Variants in COL5A1 observed in about 807,000 individuals in gnomAD.
COL5A1 encodes collagen type V alpha 1 chain, also known as collagen alpha-1(V) chain.
In COL5A1, 16 loss-of-function variants were observed where a neutral mutation model predicts 263.7. The observed-to-expected ratio is 0.06, with a 90% CI of 0.04 to 0.09. The LOEUF is 0.09. Ranked by LOEUF, COL5A1 falls within the 10% of genes least tolerant of loss-of-function variation. The probability of loss-of-function intolerance (pLI) is 1.00; values close to 1 mark genes in which losing one functional copy is unlikely to be tolerated. For synonymous variants in COL5A1, 1,012 were observed against 1,004.5 expected, an observed-to-expected ratio of 1.01 and a Z score of -0.14; for missense variants, 2,036 against 2,540.5, an observed-to-expected ratio of 0.80 and a Z score of 4.27.
intron 61 of COL5A1, among the ~76,000 whole-genome samples, chr9:134,823,756 T>C (rs971949675): frequency 1.3e-5 from 2 of 152,194 alleles, no homozygotes; most frequent in Non-Finnish European, 2.9e-5. Context: ...GTGTAGTATA[T>C]GCGTGTATGT....
intron 42 of COL5A1, among the ~76,000 whole-genome samples, chr9:134,807,449 A>G (rs906150774): frequency 6.6e-6 from 1 of 152,120 alleles, no homozygotes; most frequent in African/African-American, 2.4e-5. Context: ...GTGTGCTACC[A>G]CACCCGGCTA....
intron 1 of COL5A1, among the ~76,000 whole-genome samples, chr9:134,669,997 G>C (rs1832491393): frequency 1.3e-5 from 2 of 152,212 alleles, no homozygotes; most frequent in South Asian, 4.1e-4. Flanking sequence ...ATATCAAAAT[G>C]ACTTTATTTT....
chr9:134,839,893 C>A (rs1279795506), intron 65 of COL5A1, among the ~76,000 whole-genome samples: 2 of 152,378 alleles, frequency 1.3e-5, no homozygotes, highest in East Asian at 3.9e-4. Context: ...AGAGCTGTGG[C>A]CACCCCCAGG....
Position 134,701,092 on chromosome 9 carries a change from T to TC in COL5A1, c.492-78dup. 5 of 1,462,494 alleles carry TC rather than the reference T, an allele frequency of 3.4e-6. No homozygotes were observed. The South Asian group carries it at 5.9e-5, about 17-fold the overall frequency. 90.6% of individuals were successfully genotyped at this position (1,462,494 alleles called of 1,614,324 possible). Reference sequence around the variant, plus strand: ...GCAGGAAGTGGGCCTTCTTCCTGTGTCTCGAGGAATTTGCAGCAAAATTGC... The same window carrying TC: ...GCAGGAAGTGGGCCTTCTTCCTGTGTCCTCGAGGAATTTGCAGCAAAATTGC... On this transcript the variant is annotated intron_variant, in intron 3 of 65. Coordinates refer to ENST00000371817, the MANE Select transcript of COL5A1 (RefSeq NM_000093.5).
Position 134,811,457 on chromosome 9 carries a change from AGCATCCTCACCCATGGCCG to A in COL5A1, c.3583-33_3583-15del. The A allele has an allele frequency of 1.2e-6, 2 of 1,613,560 alleles. No individual in the cohort carries two copies. Among genetic ancestry groups the A allele is most frequent in the Non-Finnish European group, 1.7e-6 (2 of 1,179,566 alleles). On this transcript the variant is annotated splice_polypyrimidine_tract_variant and intron_variant, in intron 45 of 65. Transcript: ENST00000371817. ...CCCCCCCAGAGCTGCTGGCATTGCC[AGCATCCTCACCCATGGCCG>A]GTTATTTCCCTGCAGGGAGCTGACG...
Position 134,821,988 on chromosome 9 carries a change from C to G in COL5A1, c.4555-109C>G, listed in dbSNP as rs568375514. On this transcript the variant is annotated intron_variant, in intron 58 of 65. Coordinates refer to ENST00000371817, the MANE Select transcript of COL5A1 (RefSeq NM_000093.5). This position sits in a 1 kb window ranked among gnomAD's most constrained non-coding sequence, Gnocchi z 4.2. ...GCTGCTGAGGGGCCAAAGGGCATAC[C>G]GTGGGGAAGGGACAGGGGAGCCGAG... The G allele has an allele frequency of 1.1e-6, 1 of 950,334 alleles. No individual in the cohort carries two copies. Among genetic ancestry groups the G allele is most frequent in the Non-Finnish European group, 1.7e-6 (1 of 579,272 alleles). The allele number at this position is 950,334 out of a possible 1,614,324, so 58.9% of individuals were successfully genotyped here. A position where few individuals can be genotyped will look rare whatever the true frequency, so the allele number is the denominator to read the frequency against.
At position 134,677,863 on chromosome 9, in the gene COL5A1, T is replaced by C. The variant is rs1389035091; in HGVS notation, c.110-13049T>C. 6.6e-6 allele frequency among the ~76,000 whole-genome samples: 1 copy of C among 152,208 alleles called. No homozygotes were observed. Among genetic ancestry groups the C allele is most frequent in the Non-Finnish European group, 1.5e-5 (1 of 68,032 alleles). On this transcript the variant is annotated intron_variant, in intron 1 of 65. Transcript: ENST00000371817. The surrounding 1 kb of genome is among the most constrained non-coding windows in gnomAD (Gnocchi z 4.4). ...CTCCACAGCTGCCTGGAACGCCCCA[T>C]GGCATGGTTCCACGGGAGGGGCATC...
intron 1 of COL5A1, among the ~76,000 whole-genome samples, chr9:134,676,210 C>T (rs185312262): frequency 1.1e-4 from 16 of 152,238 alleles, no homozygotes; most frequent in East Asian, 5.8e-4. Context: ...ACTCTCTGAT[C>T]GGTATTGTTC....
At chr9:134,773,474 C>T (rs1350716946) in intron 26 of COL5A1, among the ~76,000 whole-genome samples, 26 of 152,156 alleles carry the variant, frequency 1.7e-4, no homozygotes, top group Admixed American at 1.7e-3. Context: ...CTTCGTTCAC[C>T]CCAAGACTGC....
At position 134,708,881 on chromosome 9, in the gene COL5A1, C is replaced by T. The variant is rs765913105; in HGVS notation, c.654+7548C>T. On this transcript the variant is annotated intron_variant, in intron 4 of 65. Transcript: ENST00000371817. ...GCTTCCAGCGGGGGACTCTGCCTGC[C>T]GCTTCCAGCCCCGGGTGGCCCCAGA... 173 of 456,544 alleles carry T rather than the reference C, an allele frequency of 3.8e-4. 3 individuals are homozygous for T. Among genetic ancestry groups the T allele is most frequent in the South Asian group, 1.9e-3 (121 of 64,578 alleles). The allele number at this position is 456,544 out of a possible 1,614,324, so 28.3% of individuals were successfully genotyped here. A position where few individuals can be genotyped will look rare whatever the true frequency, so the allele number is the denominator to read the frequency against.
In COL5A1 at chr9:134,757,387, A is replaced by T. The variant is rs1367299481; in HGVS notation, c.1881+569A>T. On this transcript the variant is annotated intron_variant, in intron 17 of 65. Coordinates refer to ENST00000371817, the MANE Select transcript of COL5A1 (RefSeq NM_000093.5). This position sits in a 1 kb window ranked among gnomAD's most constrained non-coding sequence, Gnocchi z 6.2. The stretch of plus-strand genomic sequence containing the variant: ...TCACCCCTCCTCCTCGCCTCTTGGA[A>T]GCATTTGTCCCAGGCCACGGGGGGC... Among the ~76,000 whole-genome samples, 1 of 152,050 alleles carries T rather than the reference A, an allele frequency of 6.6e-6. No individual in the cohort carries two copies. The highest frequency in any genetic ancestry group is 1.5e-5 in the Non-Finnish European group (1 of 68,002).
chr9:134,838,078 T>C (rs1407649918), intron 65 of COL5A1, among the ~76,000 whole-genome samples: 2 of 152,232 alleles, frequency 1.3e-5, no homozygotes, highest in Non-Finnish European at 2.9e-5. Flanking sequence ...CTACTTGTAC[T>C]ATCCGCCCAT....
Position 134,752,654 on chromosome 9 carries a change from T to C in COL5A1, c.1719+9T>C, listed in dbSNP as rs926770316. 13 of 1,609,348 alleles carry C rather than the reference T, an allele frequency of 8.1e-6. No homozygotes were observed. Among genetic ancestry groups the C allele is most frequent in the Non-Finnish European group, 1.1e-5 (13 of 1,176,062 alleles). ...GGAGACCTGGCCCTGTGGTAAGTCA[T>C]TGGCAAATCTGAGAGCTGGGCGTGG... On this transcript the variant is annotated intron_variant, in intron 14 of 65. Coordinates refer to ENST00000371817, the MANE Select transcript of COL5A1 (RefSeq NM_000093.5).
chr9:134,756,944 G>C, intron 17 of COL5A1, 126 bp downstream of exon 17: 1 of 922,998 alleles, frequency 1.1e-6, no homozygotes, highest in Non-Finnish European at 1.8e-6. Context: ...TCCGTCACTG[G>C]CATTTGACGT....
At chr9:134,777,108 C>T (rs1346140883) in intron 27 of COL5A1, among the ~76,000 whole-genome samples, 1 of 152,246 alleles carries the variant, frequency 6.6e-6, no homozygotes, top group African/African-American at 2.4e-5. Flanking sequence ...TTTAGCCCAC[C>T]TCCAGGCTTC....
chr9:134,761,810 CT>C, intron 18 of COL5A1, 114 bp from the exon 19 acceptor site: 1 of 1,080,932 alleles, frequency 9.3e-7, no homozygotes, highest in South Asian at 1.2e-5. Flanking sequence ...CTGGAAGGGT[CT>C]TTTGAGAGCT....
intron 37 of COL5A1, among the ~76,000 whole-genome samples, chr9:134,798,720 G>A (rs1467043811): frequency 2.0e-5 from 3 of 152,254 alleles, no homozygotes; most frequent in Non-Finnish European, 2.9e-5. Flanking sequence ...TTGGCTTTGG[G>A]CTGGTTTTGG....
In COL5A1 at chr9:134,755,291, G is replaced by A. The variant is rs1292084367; in HGVS notation, c.1827+965G>A. Among the ~76,000 whole-genome samples, 3 of 152,144 alleles carry A rather than the reference G, an allele frequency of 2.0e-5. No individual in the cohort carries two copies. The highest frequency in any genetic ancestry group is 7.2e-5 in the African/African-American group (3 of 41,400). Reference sequence around the variant, plus strand: ...TTATTTCCTTAAGGTGTTTTTGTGTGTCTCCGTAAATCCTTCCCACCCAGT... The same window carrying A: ...TTATTTCCTTAAGGTGTTTTTGTGTATCTCCGTAAATCCTTCCCACCCAGT... On this transcript the variant is annotated intron_variant, in intron 16 of 65. Transcript: ENST00000371817. The surrounding 1 kb of genome is among the most constrained non-coding windows in gnomAD (Gnocchi z 4.1).
At chr9:134,649,133 G>A (rs992062829) in intron 1 of COL5A1, among the ~76,000 whole-genome samples, 1 of 152,068 alleles carries the variant, frequency 6.6e-6, no homozygotes, top group Non-Finnish European at 1.5e-5. Flanking sequence ...TGTTGTTTTT[G>A]TGCCAGCCCA....
Sources: gnomAD v4.1 joint callset for allele counts (sites outside exome capture counted in the v4.1 genomes callset) on GRCh38, gnomAD v4.1.1 for gene constraint, Gnocchi (gnomAD v3.1) non-coding constraint, MANE v1.5 for transcripts, NCBI Gene and HGNC (gene_info 2026-07-23, HGNC 2026-07-21) for gene names.